The following ADAM19 variants were observed in gnomAD, a reference collection of about 807,000 sequenced individuals.
ADAM19 encodes disintegrin and metalloproteinase domain-containing protein 19.
Under a neutral mutation model 114.7 loss-of-function variants are expected in ADAM19, and 65 were observed. The observed-to-expected ratio is 0.57, with a 90% CI of 0.46 to 0.70. The LOEUF is 0.70. ADAM19 is among the 30% of genes least tolerant of loss of function. The probability of loss-of-function intolerance (pLI) is 0.00; values close to 1 mark genes in which losing one functional copy is unlikely to be tolerated. For missense variants in ADAM19, 1,063 were observed against 1,204.7 expected, an observed-to-expected ratio of 0.88 and a Z score of 1.74; for synonymous variants, 466 against 460.5, an observed-to-expected ratio of 1.01 and a Z score of -0.15.
intron 3 of ADAM19, among the ~76,000 whole-genome samples, chr5:157,544,655 G>T (rs141699542): frequency 3.1e-3 from 472 of 152,318 alleles, no homozygotes; most frequent in South Asian, 0.023. Flanking sequence ...CCCAAGAAGA[G>T]TTCACAAATT....
At chr5:157,542,098 C>G (rs62388507) in intron 3 of ADAM19, among the ~76,000 whole-genome samples, 12,120 of 152,136 alleles carry the variant, frequency 0.08, 683 homozygotes, top group East Asian at 0.24. Flanking sequence ...TTTCTGGTCT[C>G]TCTTATTTCA....
chr5:157,493,675 C>T (rs1755252151), intron 15 of ADAM19, among the ~76,000 whole-genome samples: 1 of 152,166 alleles, frequency 6.6e-6, no homozygotes, highest in Non-Finnish European at 1.5e-5. Flanking sequence ...TCCCTGCCTC[C>T]AGTCTGCCTC....
chr5:157,562,110 C>T (rs532641815), intron 3 of ADAM19, among the ~76,000 whole-genome samples: 2 of 152,238 alleles, frequency 1.3e-5, no homozygotes, highest in Admixed American at 6.5e-5. Context: ...GACTCGCACG[C>T]ACCATGAATG....
At chr5:157,541,636 T>C (rs1756921897) in intron 3 of ADAM19, among the ~76,000 whole-genome samples, 1 of 152,134 alleles carries the variant, frequency 6.6e-6, no homozygotes, top group Non-Finnish European at 1.5e-5. Context: ...GAAGAAGAAC[T>C]GGAACCTGTA....
chr5:157,497,949 C>T (rs1755420888), intron 13 of ADAM19, among the ~76,000 whole-genome samples: 1 of 152,236 alleles, frequency 6.6e-6, no homozygotes, highest in African/African-American at 2.4e-5. Flanking sequence ...GGAATCCTTT[C>T]TGAGGCTCAA....
chr5:157,504,473 A>T (rs771407482), intron 11 of ADAM19, among the ~76,000 whole-genome samples: 1 of 151,922 alleles, frequency 6.6e-6, no homozygotes, highest in African/African-American at 2.4e-5. Context: ...CTGGTCTCGA[A>T]CTCCTGACCT....
intron 3 of ADAM19, among the ~76,000 whole-genome samples, chr5:157,544,213 G>A (rs555975506): frequency 7.0e-4 from 107 of 152,332 alleles, no homozygotes; most frequent in African/African-American, 2.2e-3. Flanking sequence ...AAGCACCATC[G>A]TTGCCAGAGG....
In ADAM19 at chr5:157,491,209, G is replaced by T. The variant is rs193099555; in HGVS notation, c.2095+406C>A. Among the ~76,000 whole-genome samples, 3 of 151,794 alleles carry T rather than the reference G, an allele frequency of 2.0e-5. No individual in the cohort carries two copies. The East Asian group carries it at 5.8e-4, about 29-fold the overall frequency. On this transcript the variant is annotated intron_variant, in intron 18 of 22. Transcript: ENST00000257527. The stretch of plus-strand genomic sequence containing the variant: ...CCACTAAAATACTATAAAATTTTCT[G>T]AGTGTCTGGTTCTCCATTTTAACTT...
At chr5:157,522,461 T>C (rs1756326913) in intron 5 of ADAM19, among the ~76,000 whole-genome samples, 1 of 152,180 alleles carries the variant, frequency 6.6e-6, no homozygotes, top group South Asian at 2.1e-4. Context: ...TCCCACAACC[T>C]TACCCTGACC....
At chr5:157,490,779 C>G (rs1471497753) in intron 18 of ADAM19, among the ~76,000 whole-genome samples, 1 of 151,648 alleles carries the variant, frequency 6.6e-6, no homozygotes, top group African/African-American at 2.4e-5. Context: ...GTAGTCTCAG[C>G]TACTCAGGAG....
chr5:157,518,980 G>A (rs1255646319), intron 6 of ADAM19, 92 bp from the exon 7 acceptor site: 2 of 1,029,706 alleles, frequency 1.9e-6, no homozygotes, highest in Non-Finnish European at 3.0e-6. Context: ...TGGATAAGCA[G>A]CAGCTACCTC....
At chr5:157,494,545 G>A (rs865823160) in intron 15 of ADAM19, 142 bp downstream of exon 15, 46 of 620,932 alleles carry the variant, frequency 7.4e-5, no homozygotes, top group Non-Finnish European at 9.8e-5. Context: ...ACAGGGGGCC[G>A]AGAATAGATG....
chr5:157,535,474 A>T (rs1240318200), intron 4 of ADAM19, among the ~76,000 whole-genome samples: 1 of 152,216 alleles, frequency 6.6e-6, no homozygotes, highest in Non-Finnish European at 1.5e-5. Flanking sequence ...CCCAAATGGG[A>T]AGTCTGACTG....
At chr5:157,531,833 C>A (rs747834332) in intron 4 of ADAM19, among the ~76,000 whole-genome samples, 39 of 152,090 alleles carry the variant, frequency 2.6e-4, no homozygotes, top group Non-Finnish European at 3.1e-4. Flanking sequence ...GATGAAGTTG[C>A]AAGCCAAGGA....
chr5:157,507,965 C>G (rs1193075309), intron 9 of ADAM19, among the ~76,000 whole-genome samples: 2 of 152,218 alleles, frequency 1.3e-5, no homozygotes, highest in Non-Finnish European at 2.9e-5. Flanking sequence ...ATATCTTTGA[C>G]AGCAAGACTA....
chr5:157,558,571 T>C (rs1465553686), intron 3 of ADAM19, among the ~76,000 whole-genome samples: 1 of 152,164 alleles, frequency 6.6e-6, no homozygotes, highest in East Asian at 1.9e-4. Context: ...ATCCAGGAAA[T>C]TGAATTTTGC....
chr5:157,479,618 C>T lies in ADAM19; in HGVS notation c.*1331G>A, dbSNP rs1393503539. On this transcript the variant is annotated 3_prime_UTR_variant, in exon 23 of 23. Transcript: ENST00000257527. The stretch of plus-strand genomic sequence containing the variant: ...GACCCCCTCACCTGCTCAGAGCTCT[C>T]TTTCTGTGAGGGTCAGGTAAGGGCA... The T allele has an allele frequency of 1.0e-6, 1 of 985,862 alleles. No homozygotes were observed. Among genetic ancestry groups the T allele is most frequent in the Non-Finnish European group, 1.2e-6 (1 of 830,014 alleles). The allele number at this position is 985,862 out of a possible 1,614,324, so 61.1% of individuals were successfully genotyped here. A position where few individuals can be genotyped will look rare whatever the true frequency, so the allele number is the denominator to read the frequency against.
chr5:157,482,756 C>T (rs760516895), intron 21 of ADAM19, among the ~76,000 whole-genome samples: 2 of 152,150 alleles, frequency 1.3e-5, no homozygotes, highest in Non-Finnish European at 2.9e-5. Flanking sequence ...CACATGTACA[C>T]GTATGTTTAT....
intron 1 of ADAM19, 27 bp downstream of exon 1, chr5:157,575,576 T>C: frequency 6.9e-7 from 1 of 1,445,126 alleles, no homozygotes; most frequent in Non-Finnish European, 9.1e-7. Flanking sequence ...CCACCCAGCC[T>C]CCATCCCCCC....
Sources: allele counts gnomAD v4.1 joint callset (sites outside exome capture counted in the v4.1 genomes callset), GRCh38; gene constraint gnomAD v4.1.1; transcripts MANE v1.5; gene names NCBI Gene and HGNC (gene_info 2026-07-23, HGNC 2026-07-21).